MMD2: variants seen among roughly 807,000 people sequenced by gnomAD.
The protein encoded by MMD2 is monocyte to macrophage differentiation factor 2.
A neutral mutation model predicts 33.5 loss-of-function variants in MMD2; 30 were observed. The ratio of observed to expected loss-of-function variants is 0.90; its 90% confidence interval spans 0.67 to 1.22. MMD2 has a LOEUF of 1.22. Ranked by LOEUF, MMD2 falls within the 50% of genes most tolerant of loss-of-function variation. The pLI, the probability that MMD2 is intolerant of heterozygous loss-of-function variation, is 0.00. For synonymous variants in MMD2, 129 were observed against 123.0 expected (o/e 1.05, Z -0.32); for missense variants, 364 against 325.4 (o/e 1.12, Z -0.91).
chr7:4,943,859 T>C (rs1203206188), intron 1 of MMD2, among the ~76,000 whole-genome samples: 13 of 151,872 alleles, frequency 8.6e-5, no homozygotes, highest in Non-Finnish European at 1.5e-5. Flanking sequence ...TAGAGTGCAG[T>C]GGCATGATCA....
intron 1 of MMD2, among the ~76,000 whole-genome samples, chr7:4,929,561 G>A (rs1189996874): frequency 2.0e-5 from 3 of 151,678 alleles, no homozygotes; most frequent in East Asian, 2.0e-4. Flanking sequence ...GTCTTGCTCT[G>A]TCGCCCAGGC....
intron 1 of MMD2, among the ~76,000 whole-genome samples, chr7:4,954,361 T>C (rs1786328918): frequency 2.0e-5 from 3 of 152,190 alleles, no homozygotes; most frequent in Admixed American, 1.3e-4. Context: ...AATATGTCCT[T>C]TGCACTGTGG....
intron 1 of MMD2, among the ~76,000 whole-genome samples, chr7:4,928,453 C>T (rs758160654): frequency 4.0e-5 from 6 of 151,208 alleles, no homozygotes; most frequent in Non-Finnish European, 7.4e-5. Context: ...TTGTTAAGCA[C>T]CTCCTGTATG....
At chr7:4,957,586 T>G (rs1435497197) in intron 1 of MMD2, among the ~76,000 whole-genome samples, 2 of 150,186 alleles carry the variant, frequency 1.3e-5, no homozygotes, top group Non-Finnish European at 3.0e-5. Context: ...GAGGTGGAGG[T>G]TGCAGTGGGC....
intron 2 of MMD2, among the ~76,000 whole-genome samples, chr7:4,923,409 A>G (rs1415412523): frequency 6.6e-6 from 1 of 152,056 alleles, no homozygotes. Flanking sequence ...CGGCCAATTC[A>G]GCACCTCTTT....
At chr7:4,916,164 G>A (rs978075593) in intron 3 of MMD2, 85 bp from the exon 4 acceptor site, 55 of 1,307,564 alleles carry the variant, frequency 4.2e-5, no homozygotes, top group African/African-American at 5.9e-5. Flanking sequence ...TGGACTGATC[G>A]TGCCTGCCTA....
At chr7:4,931,497 G>T (rs994573301) in intron 1 of MMD2, among the ~76,000 whole-genome samples, 3 of 151,586 alleles carry the variant, frequency 2.0e-5, no homozygotes, top group African/African-American at 7.3e-5. Flanking sequence ...CTGTCACCCA[G>T]GCTGGAGTGC....
chr7:4,950,505 A>C (rs889669971), intron 1 of MMD2, among the ~76,000 whole-genome samples: 1 of 151,462 alleles, frequency 6.6e-6, no homozygotes, highest in African/African-American at 2.4e-5. Context: ...TTCATTCCCT[A>C]CCCACCCTCA....
At chr7:4,910,191 C>T (rs1784971280) in intron 5 of MMD2, among the ~76,000 whole-genome samples, 1 of 152,160 alleles carries the variant, frequency 6.6e-6, no homozygotes, top group Non-Finnish European at 1.5e-5. Flanking sequence ...CTGTAAAATG[C>T]ATGCTGGTGC....
At chr7:4,919,807 A>G (rs903973309) in intron 3 of MMD2, among the ~76,000 whole-genome samples, 3 of 151,788 alleles carry the variant, frequency 2.0e-5, no homozygotes, top group Admixed American at 2.0e-4. Context: ...GAGGCGGGAG[A>G]ATTGCTTGAA....
chr7:4,945,657 C>T (rs1786054863), intron 1 of MMD2, among the ~76,000 whole-genome samples: 1 of 152,074 alleles, frequency 6.6e-6, no homozygotes, highest in Non-Finnish European at 1.5e-5. Context: ...TCACTACAGC[C>T]TCTGCCTCCA....
At chr7:4,904,320 T>G (rs1358866701), downstream of MMD2, among the ~76,000 whole-genome samples, 1 of 152,162 alleles carries the variant, frequency 6.6e-6, no homozygotes, top group Non-Finnish European at 1.5e-5. Flanking sequence ...CTAGGAAACT[T>G]CTTTTCCTTT....
In MMD2 at chr7:4,932,311, C is replaced by T. The variant is rs546126642; in HGVS notation, c.48-6779G>A. 2.8e-4 allele frequency among the ~76,000 whole-genome samples: 43 copies of T among 152,226 alleles called. No homozygotes were observed. The South Asian group carries it at 7.1e-3, about 25-fold the overall frequency. On this transcript the variant is annotated intron_variant, in intron 1 of 6. Transcript: ENST00000401401. ...CAGTGTTCCCACCACCCTGAAGACCCGAGCACTTTCCCTTTAACTCCTTGC... is the reference window on the plus strand; with the variant it reads ...CAGTGTTCCCACCACCCTGAAGACCTGAGCACTTTCCCTTTAACTCCTTGC...
At chr7:4,922,103 G>A (rs1203793754) in intron 2 of MMD2, among the ~76,000 whole-genome samples, 1 of 152,146 alleles carries the variant, frequency 6.6e-6, no homozygotes, top group South Asian at 2.1e-4. Context: ...GCATGCGTCT[G>A]TAATTCCAGC....
Position 4,916,016 on chromosome 7 carries a change from G to A in MMD2, c.354C>T (p.Ser118=). 6.2e-7 allele frequency: 1 copy of A among 1,613,866 alleles called. No individual in the cohort carries two copies. Among genetic ancestry groups the A allele is most frequent in the East Asian group, 2.2e-5 (1 of 44,868 alleles). The change falls in exon 4 of 7, where the codon TCC becomes TCT. Residue 118 remains serine (S), a synonymous_variant. Coordinates refer to ENST00000401401, the MANE Select transcript of MMD2 (RefSeq NM_198403.4). ...GGGACGGTACTCACCAGGGTGCGTA[G>A]GAAGCCGCTATGAAGAAATAGATGA... ...RMVIYFFIAA[S]YAPWLNLREL...
intron 1 of MMD2, among the ~76,000 whole-genome samples, chr7:4,935,972 G>C (rs1257371376): frequency 6.6e-6 from 1 of 151,980 alleles, no homozygotes; most frequent in Non-Finnish European, 1.5e-5. Flanking sequence ...ATCACCTGAG[G>C]TCAGGAGTTC....
rs532894915 is a variant in MMD2, at chr7:4,928,644, A to C, written c.48-3112T>G. ...TGTGTGCTGGCTCCATGGTAAGTGC[A>C]GCTCATGGAGCATTTATTAAGCACC... On this transcript the variant is annotated intron_variant, in intron 1 of 6. Transcript: ENST00000401401. Among the ~76,000 whole-genome samples, 14 of 151,058 alleles carry C rather than the reference A, an allele frequency of 9.3e-5. No homozygotes were observed. In the East Asian group the frequency reaches 2.8e-3, roughly 30 times the overall value.
chr7:4,939,906 T>C (rs1334606724), intron 1 of MMD2, among the ~76,000 whole-genome samples: 1 of 151,826 alleles, frequency 6.6e-6, no homozygotes, highest in Admixed American at 6.6e-5. Context: ...CACTGGCTAA[T>C]TTTTTTTGTA....
Position 4,916,026 on chromosome 7 carries a change from A to C in MMD2, c.344T>G (p.Ile115Arg), listed in dbSNP as rs1156482730. Residue 115 changes from isoleucine to arginine, a missense_variant, in exon 4 of 7, where the codon ATA (isoleucine) becomes AGA (arginine). Coordinates refer to ENST00000401401, the MANE Select transcript of MMD2 (RefSeq NM_198403.4). Reference sequence around the variant, plus strand: ...TCACCAGGGTGCGTAGGAAGCCGCTATGAAGAAATAGATGACCATCCGGTC... The same window carrying C: ...TCACCAGGGTGCGTAGGAAGCCGCTCTGAAGAAATAGATGACCATCCGGTC... ...MFDRMVIYFFIAASYAPWLNL... is the reference protein window; with the variant it reads ...MFDRMVIYFFRAASYAPWLNL... The C allele has an allele frequency of 6.2e-7, 1 of 1,613,930 alleles. No homozygotes were observed. Among genetic ancestry groups the C allele is most frequent in the East Asian group, 2.2e-5 (1 of 44,870 alleles).
Sources: allele counts gnomAD v4.1 joint callset (sites outside exome capture counted in the v4.1 genomes callset), GRCh38; gene constraint gnomAD v4.1.1; transcripts MANE v1.5; gene names NCBI Gene and HGNC (gene_info 2026-07-23, HGNC 2026-07-21).